FAM163B: variants seen among roughly 807,000 people sequenced by gnomAD.
FAM163B encodes protein FAM163B.
A neutral mutation model predicts 7.6 loss-of-function variants in FAM163B; 4 were observed. That is an observed-to-expected ratio of 0.52 (90% CI 0.26 to 1.20). The LOEUF (loss-of-function observed/expected upper bound fraction) is 1.20. Among genes scored for constraint, FAM163B ranks in the 50% most tolerant of loss-of-function variants. FAM163B has a pLI of 0.14. For missense variants in FAM163B, 250 were observed against 243.0 expected (o/e 1.03, Z -0.19); for synonymous variants, 120 against 111.6 (o/e 1.07, Z -0.47).
chr9:133,589,309 TCTC>T (rs1358379128), intron 1 of FAM163B, among the ~76,000 whole-genome samples: 7 of 152,210 alleles, frequency 4.6e-5, no homozygotes, highest in African/African-American at 1.7e-4. Context: ...TTCACCAATG[TCTC>T]CTTCAATTGC....
At chr9:133,583,779 C>T (rs1277342686) in intron 1 of FAM163B, among the ~76,000 whole-genome samples, 4 of 152,208 alleles carry the variant, frequency 2.6e-5, no homozygotes, top group Non-Finnish European at 5.9e-5. Flanking sequence ...CAGCAGCCAC[C>T]CTCCAACACC....
chr9:133,593,319 C>T (rs1831583475), intron 1 of FAM163B, among the ~76,000 whole-genome samples: 1 of 152,196 alleles, frequency 6.6e-6, no homozygotes. Context: ...ATCTCATCTC[C>T]AGAAAATCCT....
At chr9:133,602,014 G>A (rs1463716572) in intron 1 of FAM163B, among the ~76,000 whole-genome samples, 2 of 152,280 alleles carry the variant, frequency 1.3e-5, no homozygotes, top group East Asian at 3.9e-4. Flanking sequence ...TCCACGGGCC[G>A]CACCGGGGCT....
chr9:133,584,922 C>T (rs984436655), intron 1 of FAM163B, among the ~76,000 whole-genome samples: 1 of 152,198 alleles, frequency 6.6e-6, no homozygotes, highest in Non-Finnish European at 1.5e-5. Context: ...GGCAATTTGG[C>T]GAGAATAGCG....
chr9:133,579,476 A>G (rs1588320142), intron 2 of FAM163B, 47 bp from the exon 3 acceptor site: 3 of 1,510,948 alleles, frequency 2.0e-6, no homozygotes, highest in Non-Finnish European at 2.7e-6. Flanking sequence ...CTCCCACCCC[A>G]GAACCGACAT....
rs1338566453 is a variant in FAM163B, at chr9:133,600,743, C to T, written c.-24+8334G>A. 6.6e-6 allele frequency among the ~76,000 whole-genome samples: 1 copy of T among 152,118 alleles called. No individual in the cohort carries two copies. Among genetic ancestry groups the T allele is most frequent in the Non-Finnish European group, 1.5e-5 (1 of 68,016 alleles). On this transcript the variant is annotated intron_variant, in intron 1 of 2. Coordinates refer to ENST00000673969, the MANE Select transcript of FAM163B (RefSeq NM_001080515.3). This position sits in a 1 kb window ranked among gnomAD's most constrained non-coding sequence, Gnocchi z 4.9. Reference sequence around the variant, plus strand: ...GAGTCTTAAAAATCAGAACATGCAACCAGTGGCTGCTCAGAATCTGAGACT... The same window carrying T: ...GAGTCTTAAAAATCAGAACATGCAATCAGTGGCTGCTCAGAATCTGAGACT...
At chr9:133,580,103 T>A (rs1831333550) in intron 2 of FAM163B, 28 bp downstream of exon 2, 1 of 1,597,738 alleles carries the variant, frequency 6.3e-7, no homozygotes, top group African/African-American at 1.3e-5. Context: ...CTCCCTGCCC[T>A]GTCCCCTTCC....
chr9:133,598,627 G>C (rs1472423108), intron 1 of FAM163B, among the ~76,000 whole-genome samples: 1 of 151,876 alleles, frequency 6.6e-6, no homozygotes, highest in East Asian at 1.9e-4. Flanking sequence ...GGGAGGGAGA[G>C]AGGGACCGCT....
chr9:133,593,917 C>A (rs932509182), intron 1 of FAM163B, among the ~76,000 whole-genome samples: 1 of 152,094 alleles, frequency 6.6e-6, no homozygotes. Context: ...CCAGGGCAGG[C>A]CCGTCTCAGC....
Position 133,579,314 on chromosome 9 carries a change from G to T in FAM163B, c.209C>A (p.Pro70Gln). The change falls in exon 3 of 3, where the codon CCG becomes CAG. Residue 70 changes from proline to glutamine, a missense_variant. Transcript: ENST00000673969. ...SNRNLVLTNG[P>Q]ALYPTASTSF... ...GGTGGAGGCGGTGGGGTAGAGCGCCGGCCCGTTGGTCAGCACCAGGTTGCG... is the reference window on the plus strand; with the variant it reads ...GGTGGAGGCGGTGGGGTAGAGCGCCTGCCCGTTGGTCAGCACCAGGTTGCG... The T allele has an allele frequency of 6.2e-7, 1 of 1,613,578 alleles. No homozygotes were observed. The highest frequency in any genetic ancestry group is 8.5e-7 in the Non-Finnish European group (1 of 1,179,948).
At chr9:133,588,307 G>A (rs1397976309) in intron 1 of FAM163B, among the ~76,000 whole-genome samples, 2 of 152,192 alleles carry the variant, frequency 1.3e-5, no homozygotes, top group African/African-American at 2.4e-5. Flanking sequence ...CATGCTGGTG[G>A]GAGGCCTGGC....
chr9:133,589,695 C>T (rs1249426182), intron 1 of FAM163B, among the ~76,000 whole-genome samples: 1 of 152,128 alleles, frequency 6.6e-6, no homozygotes, highest in Non-Finnish European at 1.5e-5. Flanking sequence ...CACACTTGCA[C>T]CGCAGGCCCT....
rs1477569596 is a variant in FAM163B, at chr9:133,601,459, A to G, written c.-24+7618T>C. On this transcript the variant is annotated intron_variant, in intron 1 of 2. Coordinates refer to ENST00000673969, the MANE Select transcript of FAM163B (RefSeq NM_001080515.3). This position sits in a 1 kb window ranked among gnomAD's most constrained non-coding sequence, Gnocchi z 4.1. ...TTTTTAGAAACTGGTCATGCTGTCAATACAAATAGCAGCATTAACCACAGG... is the reference window on the plus strand; with the variant it reads ...TTTTTAGAAACTGGTCATGCTGTCAGTACAAATAGCAGCATTAACCACAGG... 6.6e-6 allele frequency among the ~76,000 whole-genome samples: 1 copy of G among 152,188 alleles called. No individual in the cohort carries two copies. Among genetic ancestry groups the G allele is most frequent in the Non-Finnish European group, 1.5e-5 (1 of 68,030 alleles).
intron 1 of FAM163B, among the ~76,000 whole-genome samples, chr9:133,597,204 G>T (rs1564196147): frequency 6.6e-6 from 1 of 152,164 alleles, no homozygotes; most frequent in Non-Finnish European, 1.5e-5. Context: ...GGAGACAAGG[G>T]TATTAAAATA....
chr9:133,580,226 G>C lies in FAM163B; in HGVS notation c.-3C>G. On this transcript the variant is annotated 5_prime_UTR_variant, in exon 2 of 3. Coordinates refer to ENST00000673969, the MANE Select transcript of FAM163B (RefSeq NM_001080515.3). ...ATGACCACGGTCCCGGCTGTCATCC[G>C]CCCCCTTCTCCATCAACAGCCTGCA... 6.2e-7 allele frequency: 1 copy of C among 1,612,710 alleles called. No homozygotes were observed. Among genetic ancestry groups the C allele is most frequent in the Non-Finnish European group, 8.5e-7 (1 of 1,179,514 alleles).
chr9:133,581,306 A>G (rs1831352187), intron 1 of FAM163B, among the ~76,000 whole-genome samples: 1 of 152,164 alleles, frequency 6.6e-6, no homozygotes, highest in African/African-American at 2.4e-5. Context: ...AATTCTTCAC[A>G]ATCACCTCTC....
intron 1 of FAM163B, among the ~76,000 whole-genome samples, chr9:133,602,217 C>T (rs576649241): frequency 8.3e-4 from 127 of 152,230 alleles, no homozygotes; most frequent in Non-Finnish European, 1.4e-3. Flanking sequence ...CTGGGATCTC[C>T]GGTGGATGAC....
rs890655103 is a variant in FAM163B, at chr9:133,580,257, C to G, written c.-23-11G>C. The G allele has an allele frequency of 3.7e-5, 58 of 1,576,746 alleles. 1 individual carries two copies. The Middle Eastern group carries it at 9.9e-4, about 27-fold the overall frequency. ...TTCTCCATCAACAGCCTGCAACACA[C>G]GCCGCCAGCTTTAGAGCATCACGCT... On this transcript the variant is annotated splice_polypyrimidine_tract_variant and intron_variant, in intron 1 of 2. Transcript: ENST00000673969.
chr9:133,589,526 G>A (rs1051104827), intron 1 of FAM163B, among the ~76,000 whole-genome samples: 4 of 152,144 alleles, frequency 2.6e-5, no homozygotes, highest in East Asian at 3.9e-4. Context: ...CTGTAGGGAC[G>A]GGGTAAACTC....
Sources: gnomAD v4.1 joint callset for allele counts (sites outside exome capture counted in the v4.1 genomes callset) on GRCh38, gnomAD v4.1.1 for gene constraint, Gnocchi (gnomAD v3.1) non-coding constraint, MANE v1.5 for transcripts, NCBI Gene and HGNC (gene_info 2026-07-23, HGNC 2026-07-21) for gene names.